Variants in GRIA3 observed in about 807,000 individuals in gnomAD.
The protein encoded by GRIA3 is glutamate ionotropic receptor AMPA type subunit 3, also known as glutamate receptor 3.
Under a neutral mutation model 63.0 loss-of-function variants are expected in GRIA3, and 3 were observed. The ratio of observed to expected loss-of-function variants is 0.05; its 90% CI spans 0.02 to 0.12. The LOEUF is 0.12. Among genes scored for constraint, GRIA3 ranks in the 10% least tolerant of loss-of-function variants. GRIA3 has a pLI of 1.00. For synonymous variants in GRIA3, 274 were observed against 257.9 expected, an observed-to-expected ratio of 1.06 and a Z score of -0.60; for missense variants, 347 against 700.9, an observed-to-expected ratio of 0.50 and a Z score of 5.70.
chrX:123,195,096 G>A (rs191459871), intron 2 of GRIA3, among the ~76,000 whole-genome samples: 8 of 113,162 alleles, frequency 7.1e-5, no homozygotes, highest in Admixed American at 5.6e-4. Context: ...TGAACTAGAC[G>A]TCATGGCAAA....
intron 5 of GRIA3, among the ~76,000 whole-genome samples, chrX:123,376,899 T>C (rs767422013): frequency 1.9e-5 from 2 of 107,885 alleles, no homozygotes; most frequent in East Asian, 5.8e-4. Flanking sequence ...CTAATATTCC[T>C]CTTCTTATCA....
At chrX:123,474,614 C>T (rs1014535715) in intron 13 of GRIA3, among the ~76,000 whole-genome samples, 7 of 110,649 alleles carry the variant, frequency 6.3e-5, no homozygotes, top group South Asian at 3.9e-4. Flanking sequence ...ACCCGGGAGG[C>T]GGAGGTTGCA....
At chrX:123,263,909 G>A (rs1221875228) in intron 3 of GRIA3, among the ~76,000 whole-genome samples, 2 of 112,095 alleles carry the variant, frequency 1.8e-5, no homozygotes, top group Non-Finnish European at 3.8e-5. Context: ...CTCACAGCAG[G>A]TAGAAAATGG....
chrX:123,366,670 G>A (rs1409705747), intron 5 of GRIA3, among the ~76,000 whole-genome samples: 1 of 111,852 alleles, frequency 8.9e-6, no homozygotes, highest in Non-Finnish European at 1.9e-5. Flanking sequence ...TAAATAAGAA[G>A]GCTTTCCATG....
chrX:123,449,560 C>T (rs1012611175), intron 12 of GRIA3, among the ~76,000 whole-genome samples: 2 of 111,960 alleles, frequency 1.8e-5, no homozygotes, highest in Admixed American at 9.5e-5. Flanking sequence ...GTTTGCCAGA[C>T]AAAACTGCAG....
chrX:123,221,490 C>T (rs2147265652), intron 2 of GRIA3, among the ~76,000 whole-genome samples: 1 of 111,934 alleles, frequency 8.9e-6, no homozygotes, highest in East Asian at 2.8e-4. Context: ...AATGAGGCAA[C>T]AAAGAAAGGA....
At chrX:123,344,356 T>G (rs1032460088) in intron 4 of GRIA3, among the ~76,000 whole-genome samples, 3 of 111,970 alleles carry the variant, frequency 2.7e-5, no homozygotes, top group Non-Finnish European at 5.6e-5. Context: ...CTTGAAGACT[T>G]TCTCTCAGCC....
In GRIA3 at chrX:123,253,491, C is replaced by A; in HGVS notation, c.457C>A (p.Leu153Met). Residue 153 changes from leucine (L) to methionine (M), a missense_variant, in exon 3 of 16, where the codon CTG becomes ATG. Leu to Met is a conservative substitution (Grantham distance 15). Coordinates refer to ENST00000620443, the MANE Select transcript of GRIA3 (RefSeq NM_007325.5). ...PALKGAILSLLGHYKWEKFVY... is the reference protein window; with the variant it reads ...PALKGAILSLMGHYKWEKFVY... ...CTTGAAGGGCGCTATTCTGAGTCTTCTGGGTCATTACAAGTGGGAGAAGTT... is the reference window on the plus strand; with the variant it reads ...CTTGAAGGGCGCTATTCTGAGTCTTATGGGTCATTACAAGTGGGAGAAGTT... The A allele has an allele frequency of 8.3e-7, 1 of 1,208,762 alleles. No individual in the cohort carries two copies. Among genetic ancestry groups the A allele is most frequent in the Non-Finnish European group, 1.1e-6 (1 of 892,878 alleles).
intron 3 of GRIA3, among the ~76,000 whole-genome samples, chrX:123,276,755 C>T (rs185482804): frequency 8.0e-4 from 89 of 111,458 alleles, no homozygotes; most frequent in Non-Finnish European, 1.2e-3. Context: ...CATAATTCTG[C>T]CAGAGAACTT....
At chrX:123,308,478 A>G (rs753102253) in intron 3 of GRIA3, among the ~76,000 whole-genome samples, 6 of 111,817 alleles carry the variant, frequency 5.4e-5, no homozygotes, top group Non-Finnish European at 1.1e-4. Flanking sequence ...CATTTCCCAA[A>G]TGAGTTAGAC....
intron 3 of GRIA3, among the ~76,000 whole-genome samples, chrX:123,310,530 T>A (rs888580967): frequency 9.0e-6 from 1 of 111,503 alleles, no homozygotes; most frequent in East Asian, 2.8e-4. Flanking sequence ...TTTGCTTACA[T>A]CTCTTTGCTT....
At chrX:123,310,867 G>T (rs1007043571) in intron 3 of GRIA3, among the ~76,000 whole-genome samples, 1 of 110,921 alleles carries the variant, frequency 9.0e-6, no homozygotes, top group Non-Finnish European at 1.9e-5. Flanking sequence ...GCCAGGTGTG[G>T]TGGCACACAC....
At chrX:123,207,762 T>C in intron 2 of GRIA3, among the ~76,000 whole-genome samples, 1 of 111,367 alleles carries the variant, frequency 9.0e-6, no homozygotes, top group East Asian at 2.8e-4. Context: ...AAGCCTGGGT[T>C]TTCAGGTGGG....
chrX:123,229,074 T>A (rs2044263197), intron 2 of GRIA3, among the ~76,000 whole-genome samples: 1 of 111,462 alleles, frequency 9.0e-6, no homozygotes, highest in Non-Finnish European at 1.9e-5. Flanking sequence ...CCCATCTCCA[T>A]GATGGGTAGC....
At chrX:123,246,219 T>C (rs1036393460) in intron 2 of GRIA3, among the ~76,000 whole-genome samples, 3 of 112,347 alleles carry the variant, frequency 2.7e-5, no homozygotes, top group Non-Finnish European at 5.6e-5. Flanking sequence ...TTAATTTTGC[T>C]ATGTTAAATG....
At chrX:123,217,641 G>T (rs1312395529) in intron 2 of GRIA3, among the ~76,000 whole-genome samples, 1 of 112,140 alleles carries the variant, frequency 8.9e-6, no homozygotes, top group Admixed American at 9.4e-5. Flanking sequence ...CAATTCCTGA[G>T]TTACTGTGGT....
chrX:123,187,111 T>C, intron 2 of GRIA3, among the ~76,000 whole-genome samples: 1 of 112,160 alleles, frequency 8.9e-6, no homozygotes, highest in Non-Finnish European at 1.9e-5. Context: ...TTCCTTTCTC[T>C]TCCAAGGGAG....
At chrX:123,394,104 G>C (rs939118291) in intron 5 of GRIA3, among the ~76,000 whole-genome samples, 1 of 112,449 alleles carries the variant, frequency 8.9e-6, no homozygotes, top group African/African-American at 3.2e-5. Flanking sequence ...GCTCATGCCT[G>C]TAATCCCAGC....
intron 3 of GRIA3, among the ~76,000 whole-genome samples, chrX:123,321,994 G>A (rs896292893): frequency 1.8e-5 from 2 of 111,355 alleles, no homozygotes; most frequent in African/African-American, 6.5e-5. Context: ...GTCATTGGAT[G>A]CAGGATACCC....
Sources: gnomAD v4.1 joint callset for allele counts (sites outside exome capture counted in the v4.1 genomes callset) on GRCh38, gnomAD v4.1.1 for gene constraint, MANE v1.5 for transcripts, NCBI Gene and HGNC (gene_info 2026-07-23, HGNC 2026-07-21) for gene names.